GRXCR2: variants seen among roughly 807,000 people sequenced by gnomAD.
The protein encoded by GRXCR2 is glutaredoxin domain-containing cysteine-rich protein 2.
GRXCR2 carries 23 observed loss-of-function variants against 24.8 expected under a neutral mutation model. That is an observed-to-expected ratio of 0.93 (90% CI 0.67 to 1.32). The LOEUF is 1.32. Ranked by LOEUF, GRXCR2 falls within the 40% of genes most tolerant of loss-of-function variation. The pLI, the probability that GRXCR2 is intolerant of heterozygous loss-of-function variation, is 0.00. For synonymous variants in GRXCR2, 130 were observed against 116.1 expected (o/e 1.12, Z -0.77); for missense variants, 315 against 303.4 (o/e 1.04, Z -0.28).
chr5:145,876,004 A>G (rs1203296236), upstream of GRXCR2, among the ~76,000 whole-genome samples: 1 of 150,812 alleles, frequency 6.6e-6, no homozygotes, highest in Non-Finnish European at 1.5e-5. Flanking sequence ...TCTCTACAAA[A>G]AGTTTTTTAA....
chr5:145,920,155 G>A (rs1324672674), intron 2 of GRXCR2, among the ~76,000 whole-genome samples: 1 of 152,186 alleles, frequency 6.6e-6, no homozygotes, highest in Non-Finnish European at 1.5e-5. Context: ...TAGAATTGCA[G>A]CCGGGTGGGG....
chr5:145,929,405 T>A (rs1334722122), intron 2 of GRXCR2, among the ~76,000 whole-genome samples: 2 of 151,862 alleles, frequency 1.3e-5, no homozygotes, highest in African/African-American at 4.8e-5. Flanking sequence ...ACTTTAGACT[T>A]AAACTTTTTT....
chr5:145,884,982 A>T (rs1469737527), intron 2 of GRXCR2, among the ~76,000 whole-genome samples: 1 of 152,170 alleles, frequency 6.6e-6, no homozygotes, highest in Non-Finnish European at 1.5e-5. Flanking sequence ...ATTGAGTATG[A>T]ACATTATCCT....
intron 2 of GRXCR2, among the ~76,000 whole-genome samples, chr5:145,863,667 T>A (rs945934082): frequency 2.0e-5 from 3 of 152,190 alleles, no homozygotes; most frequent in Non-Finnish European, 2.9e-5. Context: ...GGTTCTTTTT[T>A]AAAAATTTTT....
chr5:145,883,716 A>T (rs922947734), intron 2 of GRXCR2, among the ~76,000 whole-genome samples: 1 of 152,000 alleles, frequency 6.6e-6, no homozygotes, highest in Non-Finnish European at 1.5e-5. Flanking sequence ...AAGTTGGTAA[A>T]ACCCCATCTC....
intron 2 of GRXCR2, among the ~76,000 whole-genome samples, chr5:145,930,773 A>T (rs6580395): frequency 6.6e-6 from 1 of 152,078 alleles, no homozygotes; most frequent in Admixed American, 6.6e-5. Context: ...TTCTTTTATG[A>T]GATCTACTTA....
At chr5:145,931,207 T>A (rs1321016832) in intron 2 of GRXCR2, among the ~76,000 whole-genome samples, 1 of 152,112 alleles carries the variant, frequency 6.6e-6, no homozygotes, top group Admixed American at 6.5e-5. Flanking sequence ...AATTTTTGTA[T>A]TTTTTGTAGA....
intron 1 of GRXCR2, among the ~76,000 whole-genome samples, chr5:145,869,279 T>G (rs1425625768): frequency 1.3e-5 from 2 of 152,228 alleles, no homozygotes; most frequent in African/African-American, 4.8e-5. Flanking sequence ...ATAGAAATGT[T>G]GTGAAGATGA....
In GRXCR2 at chr5:145,905,350, C is replaced by A. The variant is rs1258812214; in HGVS notation, c.-70+30351G>T. On this transcript the variant is annotated intron_variant, in intron 2 of 3. Transcript: ENST00000639411. ...GTAAATAACATGTAAGGCCTGAAAA[C>A]ACTTTATAAATCCAAATGTGTGCTA... 2.0e-5 allele frequency among the ~76,000 whole-genome samples: 3 copies of A among 152,296 alleles called. No individual in the cohort carries two copies. The East Asian group carries it at 5.8e-4, about 29-fold the overall frequency.
intron 2 of GRXCR2, among the ~76,000 whole-genome samples, chr5:145,914,254 G>A (rs1463471991): frequency 6.6e-6 from 1 of 151,870 alleles, no homozygotes; most frequent in African/African-American, 2.4e-5. Context: ...ACAAGCAGCT[G>A]TCTTTATGGT....
intron 1 of GRXCR2, among the ~76,000 whole-genome samples, chr5:145,871,518 A>G (rs1053345733): frequency 1.7e-4 from 26 of 152,302 alleles, no homozygotes; most frequent in African/African-American, 6.0e-4. Flanking sequence ...TAAAGACCCA[A>G]TGCCATAGAT....
intron 2 of GRXCR2, among the ~76,000 whole-genome samples, chr5:145,894,827 T>C (rs1032842189): frequency 2.2e-4 from 34 of 151,716 alleles, no homozygotes; most frequent in Admixed American, 5.3e-4. Flanking sequence ...AGAGACCCAA[T>C]TAAAAAAAAG....
chr5:145,895,730 C>G (rs946611172), intron 2 of GRXCR2, among the ~76,000 whole-genome samples: 8 of 152,232 alleles, frequency 5.3e-5, no homozygotes, highest in East Asian at 1.9e-4. Flanking sequence ...AGATTCAATG[C>G]CATCCCCATC....
At chr5:145,927,536 G>T (rs573041279) in intron 2 of GRXCR2, among the ~76,000 whole-genome samples, 2 of 152,258 alleles carry the variant, frequency 1.3e-5, no homozygotes, top group South Asian at 4.2e-4. Flanking sequence ...TACGTTTATT[G>T]ATTTGCGTAT....
chr5:145,873,070 T>TAA (rs1756561324), upstream of GRXCR2: 2 of 880,714 alleles, frequency 2.3e-6, no homozygotes, highest in Non-Finnish European at 3.5e-6. Flanking sequence ...TGCATATAAT[T>TAA]AATTCAAGTT....
At chr5:145,925,133 G>A (rs545390669) in intron 2 of GRXCR2, among the ~76,000 whole-genome samples, 7 of 152,142 alleles carry the variant, frequency 4.6e-5, no homozygotes, top group East Asian at 3.9e-4. Flanking sequence ...TTACCATTCC[G>A]GTCTCACAGA....
intron 2 of GRXCR2, among the ~76,000 whole-genome samples, chr5:145,888,928 C>A (rs1425720063): frequency 6.6e-6 from 1 of 152,060 alleles, no homozygotes; most frequent in African/African-American, 2.4e-5. Context: ...AATCCCAGCA[C>A]TTTGGGAGGC....
chr5:145,921,249 C>A (rs1274649249), intron 2 of GRXCR2, among the ~76,000 whole-genome samples: 1 of 152,170 alleles, frequency 6.6e-6, no homozygotes, highest in Non-Finnish European at 1.5e-5. Context: ...GACCTCACAG[C>A]CTCTCTGGGG....
intron 2 of GRXCR2, among the ~76,000 whole-genome samples, chr5:145,911,820 G>A (rs555833093): frequency 1.3e-5 from 2 of 152,290 alleles, no homozygotes; most frequent in African/African-American, 4.8e-5. Context: ...CAGGCGCTGT[G>A]GCTCACACCT....
Sources: gnomAD v4.1 joint callset for allele counts (sites outside exome capture counted in the v4.1 genomes callset) on GRCh38, gnomAD v4.1.1 for gene constraint, MANE v1.5 for transcripts, NCBI Gene and HGNC (gene_info 2026-07-23, HGNC 2026-07-21) for gene names.